The following HEG1 variants were observed in gnomAD, a reference collection of about 807,000 sequenced individuals.
HEG1 encodes the protein heart development protein with EGF like domains 1.
Under a neutral mutation model 125.6 loss-of-function variants are expected in HEG1, and 56 were observed. The observed-to-expected ratio is 0.45, with a 90% CI of 0.36 to 0.56. The LOEUF is 0.56. Among genes scored for constraint, HEG1 ranks in the 20% least tolerant of loss-of-function variants. The pLI, the probability that HEG1 is intolerant of heterozygous loss-of-function variation, is 0.00. For synonymous variants in HEG1, 644 were observed against 668.5 expected (o/e 0.96, Z 0.57); for missense variants, 1,523 against 1,670.0 (o/e 0.91, Z 1.53).
intron 8 of HEG1, chr3:125,009,431 C>A: frequency 4.7e-6 from 1 of 213,872 alleles, no homozygotes; most frequent in Non-Finnish European, 9.4e-6. Context: ...ATGTTTTTAA[C>A]AACACAGGAA....
chr3:124,989,321 C>A (rs982128331), intron 14 of HEG1, among the ~76,000 whole-genome samples: 1 of 152,106 alleles, frequency 6.6e-6, no homozygotes, highest in Non-Finnish European at 1.5e-5. Flanking sequence ...GTAAGGTATA[C>A]CACTGGGGAA....
Position 125,019,485 on chromosome 3 carries a change from A to G in HEG1, c.1365T>C (p.Thr455=), listed in dbSNP as rs372609059. The G allele has an allele frequency of 2.6e-5, 42 of 1,614,066 alleles. No individual in the cohort carries two copies. Among genetic ancestry groups the G allele is most frequent in the Admixed American group, 1.2e-4 (7 of 60,030 alleles). The stretch of plus-strand genomic sequence containing the variant: ...TGCTGTTGGTCAAGAGCCAGTGTGC[A>G]GTGATCTCTCCACCTCTCATGGGTG... ...SVAPMRGGEI[T]AHWLLTNSTT... The change falls in exon 5 of 17, where the codon ACT becomes ACC. Residue 455 remains threonine (T), a synonymous_variant. Transcript: ENST00000311127.
At chr3:125,024,009 A>C (rs898004191) in intron 3 of HEG1, among the ~76,000 whole-genome samples, 1 of 152,206 alleles carries the variant, frequency 6.6e-6, no homozygotes, top group African/African-American at 2.4e-5. Context: ...CAATCTTCTG[A>C]GTTATTTATG....
At chr3:124,989,979 G>C (rs1462178392) in intron 14 of HEG1, among the ~76,000 whole-genome samples, 1 of 152,002 alleles carries the variant, frequency 6.6e-6, no homozygotes, top group South Asian at 2.1e-4. Context: ...CTATCTTCCA[G>C]CCACATCCAC....
Position 124,966,261 on chromosome 3 carries a change from T to C in HEG1, c.*4391A>G, listed in dbSNP as rs982212786. 2 of 152,244 alleles carry C rather than the reference T, an allele frequency of 1.3e-5. No individual in the cohort carries two copies. Among genetic ancestry groups the C allele is most frequent in the African/African-American group, 4.8e-5 (2 of 41,464 alleles). The allele number at this position is 152,244 out of a possible 1,614,324, so 9.4% of individuals were successfully genotyped here. On this transcript the variant is annotated 3_prime_UTR_variant, in exon 17 of 17. Coordinates refer to ENST00000311127, the MANE Select transcript of HEG1 (RefSeq NM_020733.2). ...AAATGCCCAGGTGACAGACCCAGTC[T>C]CGGACCTGTCGCTTTTTAGACCTGA... is the stretch of plus-strand genomic sequence containing the variant.
At chr3:125,036,277 C>A (rs989240863) in intron 1 of HEG1, among the ~76,000 whole-genome samples, 2 of 128,638 alleles carry the variant, frequency 1.6e-5, no homozygotes, top group African/African-American at 3.0e-5. Context: ...TGGAATGATA[C>A]AAAATTGTCA....
intron 8 of HEG1, among the ~76,000 whole-genome samples, chr3:125,006,982 G>A (rs1937079396): frequency 6.6e-6 from 1 of 151,832 alleles, no homozygotes; most frequent in African/African-American, 2.4e-5. Context: ...GGCGGATCAC[G>A]AGGTCAGGAG....
In HEG1 at chr3:125,025,839, C is replaced by A. The variant is rs113436419; in HGVS notation, c.913+1366G>T. Among the ~76,000 whole-genome samples, 389 of 152,284 alleles carry A rather than the reference C, an allele frequency of 2.6e-3. 3 individuals carry two copies. The highest frequency in any genetic ancestry group is 8.8e-3 in the African/African-American group (365 of 41,564). On this transcript the variant is annotated intron_variant, in intron 3 of 16. Transcript: ENST00000311127. ...TTTATGAATAATCTTAAAAAGCAAT[C>A]TTCTAAAAACATGAATCATGAATTA...
chr3:124,991,123 C>T, intron 12 of HEG1, 137 bp from the exon 13 acceptor site: 1 of 651,080 alleles, frequency 1.5e-6, no homozygotes, highest in Non-Finnish European at 2.7e-6. Flanking sequence ...GAATGATCCT[C>T]ACTTAAATAC....
chr3:124,976,388 A>G (rs1936537063), intron 15 of HEG1, among the ~76,000 whole-genome samples: 1 of 151,870 alleles, frequency 6.6e-6, no homozygotes. Flanking sequence ...GGGTTTCACC[A>G]TGTTGGCCAG....
chr3:125,055,033 T>C (rs1431607684), intron 1 of HEG1, among the ~76,000 whole-genome samples: 1 of 151,652 alleles, frequency 6.6e-6, no homozygotes, highest in Non-Finnish European at 1.5e-5. Flanking sequence ...CTTGCAGGGG[T>C]TCAACCATGC....
intron 14 of HEG1, among the ~76,000 whole-genome samples, chr3:124,986,838 A>G (rs377579247): frequency 9.9e-5 from 15 of 152,226 alleles, no homozygotes; most frequent in African/African-American, 3.4e-4. Flanking sequence ...TTTTCCTAAC[A>G]TAAGAACTTA....
Position 124,990,803 on chromosome 3 carries a change from A to G in HEG1, c.3717T>C (p.Gly1239=). 1.3e-6 allele frequency: 2 copies of G among 1,563,762 alleles called. No individual in the cohort carries two copies. Among genetic ancestry groups the G allele is most frequent in the Non-Finnish European group, 1.7e-6 (2 of 1,153,304 alleles). Residue 1239 remains glycine, a synonymous_variant, in exon 14 of 17, where the codon GGT becomes GGC. Transcript: ENST00000311127. The part of the protein sequence containing the change: ...TCMSCPFGLG[G]LNCGNPYQLI... ...TACACTTACGGTTTCCACAGTTGAG[A>G]CCACCAAGGCCAAATGGGCAACTGC...
At position 125,019,542 on chromosome 3, in the gene HEG1, C is replaced by T. The variant is rs1480412589; in HGVS notation, c.1308G>A (p.Met436Ile). Residue 436 changes from methionine (M) to isoleucine (I), a missense_variant, in exon 5 of 17, where the codon ATG becomes ATA. Physicochemically the swap from Met to Ile is conservative, Grantham distance 10 (BLOSUM62 1). Transcript: ENST00000311127. Reference sequence around the variant, plus strand: ...ACCTAGACACAGTCTCAGTCTGAGACATGGGACTTCCATTTTGCACCTCAG... The same window carrying T: ...ACCTAGACACAGTCTCAGTCTGAGATATGGGACTTCCATTTTGCACCTCAG... ...SSSEVQNGSP[M>I]SQTETVSRSV... The T allele has an allele frequency of 2.5e-6, 4 of 1,612,154 alleles. No homozygotes were observed. The Admixed American group carries it at 5.0e-5, about 20-fold the overall frequency.
chr3:125,010,910 G>A (rs927234972), intron 6 of HEG1, among the ~76,000 whole-genome samples: 1 of 152,144 alleles, frequency 6.6e-6, no homozygotes, highest in Admixed American at 6.5e-5. Flanking sequence ...CACACTTTAG[G>A]GGGGAAAAGG....
intron 14 of HEG1, among the ~76,000 whole-genome samples, chr3:124,983,279 C>T (rs1236449310): frequency 1.3e-5 from 2 of 152,186 alleles, no homozygotes; most frequent in African/African-American, 4.8e-5. Context: ...ATTCAGTTCT[C>T]TCCATATTTT....
chr3:125,015,797 A>G (rs1453834027), intron 5 of HEG1, among the ~76,000 whole-genome samples: 1 of 152,008 alleles, frequency 6.6e-6, no homozygotes, highest in Non-Finnish European at 1.5e-5. Context: ...AAAAGAAAAA[A>G]AAACCCAAAA....
At position 125,030,619 on chromosome 3, in the gene HEG1, G is replaced by GA. The variant is rs536456945; in HGVS notation, c.317-1132dup. On this transcript the variant is annotated intron_variant, in intron 1 of 16. Transcript: ENST00000311127. ...TTTATATGTAATGATCTCATTTTGTGAAAAATAATAATAACAGTAAATATG... is the reference window on the plus strand; with the variant it reads ...TTTATATGTAATGATCTCATTTTGTGAAAAAATAATAATAACAGTAAATATG... 2.8e-3 allele frequency among the ~76,000 whole-genome samples: 428 copies of GA among 152,304 alleles called. 1 individual carries two copies. Among genetic ancestry groups the GA allele is most frequent in the African/African-American group, 9.9e-3 (411 of 41,568 alleles).
intron 2 of HEG1, 83 bp from the exon 3 acceptor site, chr3:125,027,590 A>G (rs1210729235): frequency 1.8e-6 from 2 of 1,099,184 alleles, no homozygotes; most frequent in African/African-American, 1.6e-5. Context: ...CAGTTCTGAC[A>G]TCTACAAAAT....
Sources: allele counts gnomAD v4.1 joint callset (sites outside exome capture counted in the v4.1 genomes callset), GRCh38; gene constraint gnomAD v4.1.1; transcripts MANE v1.5; gene names NCBI Gene and HGNC (gene_info 2026-07-23, HGNC 2026-07-21).